The following GABRB1 variants were observed in gnomAD, a reference collection of about 807,000 sequenced individuals.
The protein encoded by GABRB1 is gamma-aminobutyric acid type A receptor subunit beta1, also known as gamma-aminobutyric acid receptor subunit beta-1.
In GABRB1, 17 loss-of-function variants were observed where a neutral mutation model predicts 51.6. The observed-to-expected ratio is 0.33, with a 90% CI of 0.23 to 0.49. GABRB1 has a LOEUF of 0.49. Ranked by LOEUF, GABRB1 falls within the 20% of genes least tolerant of loss-of-function variation. The pLI is 0.99. For synonymous variants in GABRB1, 247 were observed against 218.9 expected (o/e 1.13, Z -1.14); for missense variants, 410 against 600.6 (o/e 0.68, Z 3.32).
intron 4 of GABRB1, among the ~76,000 whole-genome samples, chr4:47,288,825 C>G: frequency 6.6e-6 from 1 of 152,182 alleles, no homozygotes. Context: ...ACTTGCCCAA[C>G]GTCAACAGCT....
At chr4:47,180,779 T>A (rs1288913316) in intron 4 of GABRB1, among the ~76,000 whole-genome samples, 2 of 152,022 alleles carry the variant, frequency 1.3e-5, no homozygotes, top group Non-Finnish European at 2.9e-5. Flanking sequence ...CATCAGAAAA[T>A]GTCTTTACTT....
In GABRB1 at chr4:47,149,514, G is replaced by A. The variant is rs111285184; in HGVS notation, c.241-11735G>A. The stretch of plus-strand genomic sequence containing the variant: ...TAATAAGCAATGAGTCTTTAAATTA[G>A]ATTCCAAGTCTGCCAATTCCTAATG... On this transcript the variant is annotated intron_variant, in intron 3 of 8. Coordinates refer to ENST00000295454, the MANE Select transcript of GABRB1 (RefSeq NM_000812.4). Among the ~76,000 whole-genome samples, 292 of 152,056 alleles carry A rather than the reference G, an allele frequency of 1.9e-3. 2 individuals are homozygous for A. Among genetic ancestry groups the A allele is most frequent in the African/African-American group, 6.6e-3 (274 of 41,542 alleles).
At chr4:47,407,441 T>A (rs1728614349) in intron 8 of GABRB1, among the ~76,000 whole-genome samples, 1 of 152,160 alleles carries the variant, frequency 6.6e-6, no homozygotes, top group Non-Finnish European at 1.5e-5. Flanking sequence ...TCTCACAGAG[T>A]TGTTTTAAGA....
At chr4:47,136,114 C>T (rs926547372) in intron 3 of GABRB1, among the ~76,000 whole-genome samples, 2 of 152,138 alleles carry the variant, frequency 1.3e-5, no homozygotes, top group African/African-American at 4.8e-5. Context: ...CCTCAACCTC[C>T]AGAGTAGCTG....
chr4:47,196,619 C>T (rs1452077752), intron 4 of GABRB1, among the ~76,000 whole-genome samples: 1 of 152,100 alleles, frequency 6.6e-6, no homozygotes, highest in Non-Finnish European at 1.5e-5. Context: ...CAGAAGTGCC[C>T]TGGGAAGAAA....
chr4:47,216,376 T>C (rs764836412), intron 4 of GABRB1, among the ~76,000 whole-genome samples: 3 of 151,922 alleles, frequency 2.0e-5, no homozygotes, highest in Non-Finnish European at 4.4e-5. Flanking sequence ...ATGGTGATTG[T>C]AGAAAACATG....
intron 1 of GABRB1, among the ~76,000 whole-genome samples, chr4:47,014,997 C>G (rs1724702553): frequency 6.6e-6 from 1 of 152,202 alleles, no homozygotes; most frequent in African/African-American, 2.4e-5. Flanking sequence ...ACCTCTGCCT[C>G]CCAGGTTCAA....
intron 1 of GABRB1, among the ~76,000 whole-genome samples, chr4:47,022,859 A>C (rs1420998378): frequency 6.6e-6 from 1 of 152,118 alleles, no homozygotes; most frequent in African/African-American, 2.4e-5. Context: ...TATATCAAAG[A>C]GATATCTCCA....
At chr4:47,111,443 A>G (rs1376326244) in intron 3 of GABRB1, among the ~76,000 whole-genome samples, 1 of 138,048 alleles carries the variant, frequency 7.2e-6, no homozygotes, top group East Asian at 1.9e-4. Flanking sequence ...TATTATATAT[A>G]TGGATTTAAA....
chr4:47,176,084 A>C (rs1718683969), intron 4 of GABRB1, among the ~76,000 whole-genome samples: 1 of 152,148 alleles, frequency 6.6e-6, no homozygotes, highest in African/African-American at 2.4e-5. Flanking sequence ...CCATTAGCAA[A>C]GGGAGCACAC....
intron 4 of GABRB1, among the ~76,000 whole-genome samples, chr4:47,247,182 C>A (rs1721796841): frequency 6.6e-6 from 1 of 152,028 alleles, no homozygotes; most frequent in Non-Finnish European, 1.5e-5. Context: ...CTTAATCCAT[C>A]TTGAGTTGGT....
intron 5 of GABRB1, among the ~76,000 whole-genome samples, chr4:47,397,427 T>C (rs1728214147): frequency 6.6e-6 from 1 of 152,228 alleles, no homozygotes; most frequent in Non-Finnish European, 1.5e-5. Flanking sequence ...AATTTTCCTA[T>C]GTATTTGGCA....
chr4:47,362,534 A>G (rs551523447), intron 5 of GABRB1, among the ~76,000 whole-genome samples: 12 of 152,308 alleles, frequency 7.9e-5, no homozygotes, highest in Admixed American at 2.6e-4. Context: ...TTTGTAATCC[A>G]TCATAAATTT....
chr4:46,996,853 T>C (rs973689247), intron 1 of GABRB1, among the ~76,000 whole-genome samples: 6 of 152,132 alleles, frequency 3.9e-5, no homozygotes, highest in African/African-American at 1.4e-4. Context: ...ATTCAACCTG[T>C]TCCTCTTTTC....
chr4:47,057,733 G>A (rs1348851481), intron 3 of GABRB1, among the ~76,000 whole-genome samples: 1 of 152,200 alleles, frequency 6.6e-6, no homozygotes, highest in African/African-American at 2.4e-5. Context: ...AAACCTGGAT[G>A]TAAGAGGAGA....
chr4:47,017,276 T>C (rs1322603810), intron 1 of GABRB1, among the ~76,000 whole-genome samples: 1 of 152,226 alleles, frequency 6.6e-6, no homozygotes, highest in Non-Finnish European at 1.5e-5. Context: ...GATTTTGATA[T>C]GACACAACTG....
At chr4:47,031,429 G>A (rs1302612618), upstream of GABRB1, 2 of 565,074 alleles carry the variant, frequency 3.5e-6, no homozygotes, top group Non-Finnish European at 6.3e-6. Context: ...GCTTGTCTCT[G>A]ACTACCCGGA....
chr4:47,320,016 T>G (rs41265723), intron 4 of GABRB1, 111 bp from the exon 5 acceptor site: 46,726 of 752,672 alleles, frequency 0.062, 2,842 homozygotes, highest in East Asian at 0.26. Flanking sequence ...CTCACAAAAT[T>G]TTGATGCCTT....
chr4:47,159,025 C>G (rs573586369), intron 3 of GABRB1, among the ~76,000 whole-genome samples: 1 of 151,838 alleles, frequency 6.6e-6, no homozygotes, highest in East Asian at 1.9e-4. Flanking sequence ...ACTTGTAATC[C>G]CAGTACTTTG....
Sources: gnomAD v4.1 joint callset for allele counts (sites outside exome capture counted in the v4.1 genomes callset) on GRCh38, gnomAD v4.1.1 for gene constraint, MANE v1.5 for transcripts, NCBI Gene and HGNC (gene_info 2026-07-23, HGNC 2026-07-21) for gene names.